Variants in ADGRL3 observed in about 807,000 individuals in gnomAD.
The protein encoded by ADGRL3 is adhesion G protein-coupled receptor L3.
In ADGRL3, 62 loss-of-function variants were observed where a neutral mutation model predicts 153.5. The observed-to-expected ratio is 0.40, with a 90% CI of 0.33 to 0.50. ADGRL3 has a LOEUF of 0.50. ADGRL3 is among the 20% of genes least tolerant of loss of function. The pLI is 0.47. For synonymous variants in ADGRL3, 710 were observed against 672.5 expected, an observed-to-expected ratio of 1.06 and a Z score of -0.86; for missense variants, 1,641 against 1,859.4, an observed-to-expected ratio of 0.88 and a Z score of 2.16.
chr4:61,502,065 G>T (rs935943739), intron 3 of ADGRL3, among the ~76,000 whole-genome samples: 7 of 152,146 alleles, frequency 4.6e-5, no homozygotes, highest in African/African-American at 1.7e-4. Context: ...GTTGCATGAA[G>T]ATAAAGGATT....
rs1278616339 is a variant in ADGRL3 at position 61,200,840 on chromosome 4, C to T, written c.-1165C>T. On this transcript the variant is annotated 5_prime_UTR_variant, in exon 1 of 27. Coordinates refer to ENST00000683033, the MANE Select transcript of ADGRL3 (RefSeq NM_001387552.1). ...GCCGCGCGATGAAGCTCCCACATGC[C>T]CGCAGCTGCCCGGCCCGGCCGGCGA... Among the ~76,000 whole-genome samples the T allele has an allele frequency of 2.0e-5, 3 of 151,574 alleles. No individual in the cohort carries two copies. Among genetic ancestry groups the T allele is most frequent in the Non-Finnish European group, 4.4e-5 (3 of 67,884 alleles).
chr4:61,808,073 A>C (rs1356902054), intron 8 of ADGRL3, among the ~76,000 whole-genome samples: 2 of 152,054 alleles, frequency 1.3e-5, no homozygotes, highest in Non-Finnish European at 2.9e-5. Flanking sequence ...CTTCCCTCAG[A>C]TCTCAGCTTT....
intron 4 of ADGRL3, among the ~76,000 whole-genome samples, chr4:61,584,397 T>C (rs534364642): frequency 9.4e-4 from 143 of 151,988 alleles, no homozygotes; most frequent in Non-Finnish European, 1.7e-3. Context: ...GACCCCGACA[T>C]TTTAACTGAC....
chr4:61,368,821 G>T (rs544399386), intron 1 of ADGRL3, among the ~76,000 whole-genome samples: 2 of 152,192 alleles, frequency 1.3e-5, no homozygotes, highest in African/African-American at 2.4e-5. Flanking sequence ...ACCTTGGGCA[G>T]TATGGCCATT....
intron 1 of ADGRL3, among the ~76,000 whole-genome samples, chr4:61,244,456 A>T (rs185005607): frequency 1.1e-4 from 17 of 152,170 alleles, no homozygotes; most frequent in African/African-American, 4.1e-4. Context: ...TTCCTCAAAT[A>T]GATTTATGCA....
chr4:61,428,675 T>C (rs562510858), intron 2 of ADGRL3, among the ~76,000 whole-genome samples: 171 of 152,280 alleles, frequency 1.1e-3, no homozygotes, highest in Non-Finnish European at 2.1e-3. Context: ...ATCTGTAAAA[T>C]TGGAGTGATA....
chr4:61,536,588 T>C (rs1404190901), intron 4 of ADGRL3, among the ~76,000 whole-genome samples: 1 of 152,120 alleles, frequency 6.6e-6, no homozygotes, highest in Non-Finnish European at 1.5e-5. Flanking sequence ...TATTAATATT[T>C]AGGATAGGTA....
intron 9 of ADGRL3, among the ~76,000 whole-genome samples, chr4:61,824,021 C>T (rs2097778656): frequency 6.6e-6 from 1 of 151,912 alleles, no homozygotes; most frequent in South Asian, 2.1e-4. Flanking sequence ...CAGATCGTAC[C>T]ACTGCACTCC....
intron 1 of ADGRL3, among the ~76,000 whole-genome samples, chr4:61,279,010 A>G (rs886814524): frequency 1.3e-5 from 2 of 152,218 alleles, no homozygotes; most frequent in African/African-American, 4.8e-5. Flanking sequence ...TGTGTCTACA[A>G]TTTAGTGCTT....
intron 1 of ADGRL3, among the ~76,000 whole-genome samples, chr4:61,235,807 C>T (rs1265962180): frequency 2.0e-5 from 3 of 152,066 alleles, no homozygotes; most frequent in African/African-American, 7.2e-5. Context: ...TCTCTGAAGC[C>T]AGCTTTTAGG....
Position 61,428,871 on chromosome 4 carries a change from CTATATCATCT to C in ADGRL3, c.-174+45683_-174+45692del, listed in dbSNP as rs1560616134. 2.2e-4 allele frequency among the ~76,000 whole-genome samples: 26 copies of C among 118,016 alleles called. No individual in the cohort carries two copies. The South Asian group carries it at 2.6e-3, about 12-fold the overall frequency. The allele number at this position is 118,016 out of a possible 152,430, so 77.4% of individuals were successfully genotyped here. On this transcript the variant is annotated intron_variant, in intron 2 of 26. Coordinates refer to ENST00000683033, the MANE Select transcript of ADGRL3 (RefSeq NM_001387552.1). ...TCTATCTATCTATCTATCTATCTAT[CTATATCATCT>C]ATCTATCTATATCATCTATCTATCT...
At chr4:61,819,615 T>G in intron 9 of ADGRL3, among the ~76,000 whole-genome samples, 1 of 152,146 alleles carries the variant, frequency 6.6e-6, no homozygotes. Flanking sequence ...ATACTTAATT[T>G]TCTGTTATTC....
chr4:61,375,137 T>C (rs943886481), intron 1 of ADGRL3, among the ~76,000 whole-genome samples: 1 of 152,106 alleles, frequency 6.6e-6, no homozygotes, highest in Admixed American at 6.6e-5. Context: ...TTTACAAAAA[T>C]TTGGTAACTC....
intron 2 of ADGRL3, among the ~76,000 whole-genome samples, chr4:61,483,767 G>A (rs2098158605): frequency 1.3e-5 from 2 of 151,570 alleles, no homozygotes; most frequent in South Asian, 4.2e-4. Context: ...ATAAAATTTT[G>A]AGCTCCAATA....
At chr4:61,337,128 C>T (rs946359295) in intron 1 of ADGRL3, among the ~76,000 whole-genome samples, 1 of 152,032 alleles carries the variant, frequency 6.6e-6, no homozygotes, top group Non-Finnish European at 1.5e-5. Flanking sequence ...TTTAGAAGTG[C>T]CTCTCTGATC....
At chr4:61,357,118 T>G (rs1251152426) in intron 1 of ADGRL3, among the ~76,000 whole-genome samples, 1 of 152,156 alleles carries the variant, frequency 6.6e-6, no homozygotes, top group African/African-American at 2.4e-5. Context: ...GTTTATTTTT[T>G]AATATCTATC....
intron 4 of ADGRL3, among the ~76,000 whole-genome samples, chr4:61,577,458 C>T (rs2098894335): frequency 6.6e-6 from 1 of 151,958 alleles, no homozygotes; most frequent in Non-Finnish European, 1.5e-5. Context: ...ATAAGAATAA[C>T]ATAAACTTTG....
chr4:61,345,286 G>A (rs1314342894), intron 1 of ADGRL3, among the ~76,000 whole-genome samples: 2 of 151,940 alleles, frequency 1.3e-5, no homozygotes, highest in African/African-American at 2.4e-5. Flanking sequence ...AGACATTTTT[G>A]TAGCTCTAAT....
intron 24 of ADGRL3, among the ~76,000 whole-genome samples, chr4:62,038,899 C>G (rs1726630109): frequency 6.6e-6 from 1 of 151,818 alleles, no homozygotes; most frequent in Non-Finnish European, 1.5e-5. Context: ...GTGAGTCACC[C>G]AGACTAGTGT....
Sources: allele counts gnomAD v4.1 joint callset (sites outside exome capture counted in the v4.1 genomes callset), GRCh38; gene constraint gnomAD v4.1.1; transcripts MANE v1.5; gene names NCBI Gene and HGNC (gene_info 2026-07-23, HGNC 2026-07-21).